The following SMOX variants were observed in gnomAD, a reference collection of about 807,000 sequenced individuals.
The protein encoded by SMOX is spermine oxidase.
Under a neutral mutation model 51.0 loss-of-function variants are expected in SMOX, and 22 were observed. The observed-to-expected ratio is 0.43, with a 90% CI of 0.31 to 0.62. The LOEUF is 0.62. Among genes scored for constraint, SMOX ranks in the 20% least tolerant of loss-of-function variants. SMOX has a pLI of 0.10. For missense variants in SMOX, 566 were observed against 777.7 expected (o/e 0.73, Z 3.24); for synonymous variants, 282 against 307.8 (o/e 0.92, Z 0.88).
chr20:4,182,039 C>T lies in SMOX; in HGVS notation c.610-50C>T, dbSNP rs180921695. ...CTGAGGAGGGCTACGCTGCTCCTAC[C>T]CCTGCCCAACCCCGGCGGTCACCTG... On this transcript the variant is annotated intron_variant, in intron 4 of 6. Coordinates refer to ENST00000305958, the MANE Select transcript of SMOX (RefSeq NM_175839.3). This position sits in a 1 kb window ranked among gnomAD's most constrained non-coding sequence, Gnocchi z 8.4. 192 of 1,590,356 alleles carry T rather than the reference C, an allele frequency of 1.2e-4. No individual in the cohort carries two copies. The African/African-American group carries it at 2.4e-3, about 20-fold the overall frequency.
At chr20:4,152,718 T>G (rs1985823203) in intron 1 of SMOX, among the ~76,000 whole-genome samples, 1 of 152,192 alleles carries the variant, frequency 6.6e-6, no homozygotes, top group Non-Finnish European at 1.5e-5. Flanking sequence ...TGCCCTGCAT[T>G]GTTCTAAGCA....
intron 1 of SMOX, among the ~76,000 whole-genome samples, chr20:4,173,455 C>T (rs528408918): frequency 5.3e-4 from 80 of 152,308 alleles, no homozygotes; most frequent in Middle Eastern, 3.4e-3. Context: ...GGTACAGCAC[C>T]GCATATGTCT....
rs372057249 is a variant in SMOX, at chr20:4,186,496, C to T, written c.1531-774C>T. 1.9e-3 allele frequency among the ~76,000 whole-genome samples: 290 copies of T among 152,274 alleles called. 3 individuals carry two copies. Among genetic ancestry groups the T allele is most frequent in the Middle Eastern group, 6.8e-3 (2 of 294 alleles). On this transcript the variant is annotated intron_variant, in intron 6 of 6. Coordinates refer to ENST00000305958, the MANE Select transcript of SMOX (RefSeq NM_175839.3). ...CTGGCTGTACCAAAATTCTCACTGT[C>T]CCCCGAGCAAGGCCTGCTTTGGTAC...
intron 1 of SMOX, among the ~76,000 whole-genome samples, chr20:4,174,713 A>G (rs1978689920): frequency 3.3e-5 from 5 of 152,180 alleles, no homozygotes; most frequent in Admixed American, 2.0e-4. Flanking sequence ...TGAGAATTTC[A>G]GGGGCTTAAG....
Position 4,150,842 on chromosome 20 carries a change from TTTC to T in SMOX, c.-27+1868_-27+1870del, listed in dbSNP as rs1419743263. Among the ~76,000 whole-genome samples the T allele has an allele frequency of 4.1e-3, 537 of 130,656 alleles. 7 individuals are homozygous for T. The highest frequency in any genetic ancestry group is 0.019 in the Middle Eastern group (5 of 258). The allele number at this position is 130,656 out of a possible 152,430, so 85.7% of individuals were successfully genotyped here. ...CTACTCACTTTTTTTTTTTTTTTTT[TTTC>T]TTTGAGACGGAGTTTCGCTCTTTTC... On this transcript the variant is annotated intron_variant, in intron 1 of 6. Coordinates refer to ENST00000305958, the MANE Select transcript of SMOX (RefSeq NM_175839.3).
intron 1 of SMOX, among the ~76,000 whole-genome samples, chr20:4,160,222 G>A (rs1274723574): frequency 6.6e-6 from 1 of 152,240 alleles, no homozygotes; most frequent in African/African-American, 2.4e-5. Context: ...GTAGCTTCCC[G>A]GTGGCAGCCC....
rs1023267232 is a variant in SMOX at position 4,172,092 on chromosome 20, C to T, written c.-26-2938C>T. On this transcript the variant is annotated intron_variant, in intron 1 of 6. Coordinates refer to ENST00000305958, the MANE Select transcript of SMOX (RefSeq NM_175839.3). This position sits in a 1 kb window ranked among gnomAD's most constrained non-coding sequence, Gnocchi z 7.7. ...GGTGAGGGGGACCCCCAGTTTAATA[C>T]CTGCTACACCCTGACCCCCATAGCA... 6.6e-6 allele frequency among the ~76,000 whole-genome samples: 1 copy of T among 152,222 alleles called. No individual in the cohort carries two copies. Among genetic ancestry groups the T allele is most frequent in the Admixed American group, 6.5e-5 (1 of 15,290 alleles).
chr20:4,159,390 G>A (rs1463816991), intron 1 of SMOX, among the ~76,000 whole-genome samples: 1 of 152,210 alleles, frequency 6.6e-6, no homozygotes, highest in Non-Finnish European at 1.5e-5. Flanking sequence ...GAGATTACAG[G>A]TGTGAGCCAC....
intron 1 of SMOX, among the ~76,000 whole-genome samples, chr20:4,159,263 C>A (rs542156453): frequency 6.6e-6 from 1 of 152,268 alleles, no homozygotes; most frequent in South Asian, 2.1e-4. Flanking sequence ...AGGTGCCTGC[C>A]ACCACGCCCG....
intron 2 of SMOX, among the ~76,000 whole-genome samples, chr20:4,175,616 A>C (rs940497688): frequency 1.3e-5 from 2 of 152,206 alleles, no homozygotes; most frequent in African/African-American, 4.8e-5. Flanking sequence ...CTTTTTGTGA[A>C]TACTAATTGT....
intron 6 of SMOX, among the ~76,000 whole-genome samples, chr20:4,185,393 T>C (rs1463464545): frequency 6.6e-6 from 1 of 152,164 alleles, no homozygotes; most frequent in Non-Finnish European, 1.5e-5. Context: ...ACCTGGGAGC[T>C]AGTTAGAAAT....
At chr20:4,151,289 G>A (rs1417548098) in intron 1 of SMOX, among the ~76,000 whole-genome samples, 5 of 151,898 alleles carry the variant, frequency 3.3e-5, no homozygotes, top group East Asian at 1.9e-4. Context: ...GCCAAGCCGC[G>A]TAACCCTCTC....
chr20:4,183,431 T>A lies in SMOX; in HGVS notation c.1370-63T>A. 6.2e-7 allele frequency: 1 copy of A among 1,612,530 alleles called. No individual in the cohort carries two copies. The highest frequency in any genetic ancestry group is 8.5e-7 in the Non-Finnish European group (1 of 1,179,164). ...GGGGTGGGGGGTTGTCCCTTTGGGGTCATCTTCCATATGCAGCCATTTCTT... is the reference window on the plus strand; with the variant it reads ...GGGGTGGGGGGTTGTCCCTTTGGGGACATCTTCCATATGCAGCCATTTCTT... On this transcript the variant is annotated intron_variant, in intron 5 of 6. Transcript: ENST00000305958. This position sits in a 1 kb window ranked among gnomAD's most constrained non-coding sequence, Gnocchi z 4.3.
rs933541890 is a variant in SMOX at position 4,153,376 on chromosome 20, C to G, written c.-27+4399C>G. On this transcript the variant is annotated intron_variant, in intron 1 of 6. Transcript: ENST00000305958. This position sits in a 1 kb window ranked among gnomAD's most constrained non-coding sequence, Gnocchi z 4.4. ...TGGAGGTCACATGCTTGAGTGCCTT[C>G]TCCTTGTAGACTCTGAAAGGAGGAA... Among the ~76,000 whole-genome samples the G allele has an allele frequency of 2.6e-5, 4 of 152,164 alleles. No homozygotes were observed. Among genetic ancestry groups the G allele is most frequent in the Non-Finnish European group, 4.4e-5 (3 of 68,036 alleles).
rs1173771551 is a variant in SMOX, at chr20:4,183,477, T to C, written c.1370-17T>C. On this transcript the variant is annotated splice_polypyrimidine_tract_variant and intron_variant, in intron 5 of 6. Coordinates refer to ENST00000305958, the MANE Select transcript of SMOX (RefSeq NM_175839.3). This position sits in a 1 kb window ranked among gnomAD's most constrained non-coding sequence, Gnocchi z 4.3. ...TTCTTATCCTCCCTCCTCTTGGCTT[T>C]TCTGACTCTCCATCAGGGAACCCCA... is the stretch of plus-strand genomic sequence containing the variant. 1.2e-6 allele frequency: 2 copies of C among 1,614,042 alleles called. No individual in the cohort carries two copies. Among genetic ancestry groups the C allele is most frequent in the Non-Finnish European group, 1.7e-6 (2 of 1,180,022 alleles).
At chr20:4,161,281 C>G (rs1986302687) in intron 1 of SMOX, among the ~76,000 whole-genome samples, 1 of 152,166 alleles carries the variant, frequency 6.6e-6, no homozygotes, top group East Asian at 1.9e-4. Flanking sequence ...CAGGTGATGC[C>G]TCATGCAGGG....
At position 4,175,399 on chromosome 20, in the gene SMOX, A is replaced by G. The variant is rs1600816859; in HGVS notation, c.208+136A>G. ...CATGCATCCTGCCTGGGCATTTTCC[A>G]GAAGCTTCCTTCGCTCCTCGTGGCA... On this transcript the variant is annotated intron_variant, in intron 2 of 6. Coordinates refer to ENST00000305958, the MANE Select transcript of SMOX (RefSeq NM_175839.3). 5 of 1,076,008 alleles carry G rather than the reference A, an allele frequency of 4.6e-6. No homozygotes were observed. The East Asian group carries it at 1.1e-4, about 23-fold the overall frequency. The allele number at this position is 1,076,008 out of a possible 1,614,324, so 66.7% of individuals were successfully genotyped here.
Position 4,181,429 on chromosome 20 carries a change from TA to T in SMOX, c.436-371del, listed in dbSNP as rs1000065137. On this transcript the variant is annotated intron_variant, in intron 3 of 6. Transcript: ENST00000305958. The surrounding 1 kb of genome is among the most constrained non-coding windows in gnomAD (Gnocchi z 5.6). ...GTGCACGTATCGTTCTTGGAACAGGTAAATGTGTGCAAATGCCCATCCTCCA... is the reference window on the plus strand; with the variant it reads ...GTGCACGTATCGTTCTTGGAACAGGTAATGTGTGCAAATGCCCATCCTCCA... 1.3e-5 allele frequency among the ~76,000 whole-genome samples: 2 copies of T among 152,108 alleles called. No homozygotes were observed. Among genetic ancestry groups the T allele is most frequent in the Admixed American group, 1.3e-4 (2 of 15,268 alleles).
chr20:4,167,021 G>A lies in SMOX; in HGVS notation c.-26-8009G>A, dbSNP rs1451269566. Among the ~76,000 whole-genome samples the A allele has an allele frequency of 6.6e-6, 1 of 152,242 alleles. No individual in the cohort carries two copies. The highest frequency in any genetic ancestry group is 1.5e-5 in the Non-Finnish European group (1 of 68,048). On this transcript the variant is annotated intron_variant, in intron 1 of 6. Coordinates refer to ENST00000305958, the MANE Select transcript of SMOX (RefSeq NM_175839.3). This position sits in a 1 kb window ranked among gnomAD's most constrained non-coding sequence, Gnocchi z 4.8. ...CCTGTGAGGGCCAGGGGACATTGCT[G>A]GGGGCGGGGGCTCTGCTGAAAGAGG...
Sources: allele counts gnomAD v4.1 joint callset (sites outside exome capture counted in the v4.1 genomes callset), GRCh38; gene constraint gnomAD v4.1.1; non-coding constraint Gnocchi (gnomAD v3.1); transcripts MANE v1.5; gene names NCBI Gene and HGNC (gene_info 2026-07-23, HGNC 2026-07-21).